The following SEC24B variants were observed in gnomAD, a reference collection of about 807,000 sequenced individuals.
The protein encoded by SEC24B is SEC24 homolog B, COPII component, also known as protein transport protein Sec24B.
A neutral mutation model predicts 142.8 loss-of-function variants in SEC24B; 45 were observed. That is an observed-to-expected ratio of 0.32 (90% confidence interval 0.25 to 0.40). SEC24B has a LOEUF of 0.40. Ranked by LOEUF, SEC24B falls within the 10% of genes least tolerant of loss-of-function variation. The pLI, the probability that SEC24B is intolerant of heterozygous loss-of-function variation, is 1.00. For missense variants in SEC24B, 1,409 were observed against 1,526.8 expected (o/e 0.92, Z 1.29); for synonymous variants, 574 against 568.2 (o/e 1.01, Z -0.15).
intron 14 of SEC24B, among the ~76,000 whole-genome samples, chr4:109,522,539 G>C (rs1375145670): frequency 6.6e-6 from 1 of 152,208 alleles, no homozygotes; most frequent in Non-Finnish European, 1.5e-5. Flanking sequence ...TCTGACTCCA[G>C]TGTTCTTTTC....
Position 109,463,098 on chromosome 4 carries a change from C to T in SEC24B, c.331C>T (p.Pro111Ser). 6.2e-7 allele frequency: 1 copy of T among 1,614,168 alleles called. No individual in the cohort carries two copies. The highest frequency in any genetic ancestry group is 8.5e-7 in the Non-Finnish European group (1 of 1,180,034). ...GACTCCTAACACAGTGAACCAGCAACCAGGAGCACAGCAGTTGTACAGCAG... is the reference window on the plus strand; with the variant it reads ...GACTCCTAACACAGTGAACCAGCAATCAGGAGCACAGCAGTTGTACAGCAG... ...NVTPNTVNQQ[P>S]GAQQLYSRGP... Residue 111 changes from proline to serine, a missense_variant, in exon 2 of 24, where the codon CCA becomes TCA. Pro to Ser is a moderately conservative substitution (Grantham distance 74). This residue lies in a region of SEC24B where 709 missense variants were observed against 673.5 expected (regional missense o/e 1.05). Transcript: ENST00000265175.
intron 4 of SEC24B, among the ~76,000 whole-genome samples, chr4:109,488,946 G>T (rs371329489): frequency 3.3e-5 from 5 of 151,808 alleles, no homozygotes; most frequent in East Asian, 1.9e-4. Context: ...TTTTAAATTT[G>T]GTTATTTGTT....
intron 1 of SEC24B, among the ~76,000 whole-genome samples, chr4:109,446,386 G>T (rs772212765): frequency 6.6e-6 from 1 of 152,218 alleles, no homozygotes; most frequent in Non-Finnish European, 1.5e-5. Flanking sequence ...CAAGGAAACG[G>T]ATTGTCTCTT....
intron 6 of SEC24B, among the ~76,000 whole-genome samples, chr4:109,500,952 CCTGGCCAAAAA>C (rs1317160887): frequency 6.6e-6 from 1 of 152,084 alleles, no homozygotes; most frequent in Admixed American, 6.5e-5. Flanking sequence ...AGCCACCATG[CCTGGCCAAAAA>C]CTATATTTTT....
chr4:109,448,271 A>G (rs1729671268), intron 1 of SEC24B, among the ~76,000 whole-genome samples: 1 of 152,138 alleles, frequency 6.6e-6, no homozygotes, highest in Non-Finnish European at 1.5e-5. Context: ...ATGGCAAGGT[A>G]AACCATTAGA....
intron 10 of SEC24B, among the ~76,000 whole-genome samples, chr4:109,514,163 T>C (rs925432957): frequency 3.3e-5 from 5 of 152,324 alleles, no homozygotes; most frequent in African/African-American, 1.2e-4. Context: ...CCATTTAACA[T>C]TTAAGACTCT....
chr4:109,457,873 C>T (rs996062358), intron 1 of SEC24B, among the ~76,000 whole-genome samples: 1 of 152,186 alleles, frequency 6.6e-6, no homozygotes, highest in Admixed American at 6.5e-5. Flanking sequence ...CCAAGAGAGG[C>T]TCCTCTTCCC....
intron 1 of SEC24B, among the ~76,000 whole-genome samples, chr4:109,446,207 T>C (rs1227363131): frequency 6.6e-6 from 1 of 152,128 alleles, no homozygotes; most frequent in Non-Finnish European, 1.5e-5. Context: ...TCCTGGAACT[T>C]GGTAGGCCTG....
At chr4:109,524,212 G>A (rs1723972268) in intron 14 of SEC24B, among the ~76,000 whole-genome samples, 1 of 151,922 alleles carries the variant, frequency 6.6e-6, no homozygotes, top group South Asian at 2.1e-4. Flanking sequence ...ATCTGTTCTG[G>A]TTTACATATT....
intron 1 of SEC24B, among the ~76,000 whole-genome samples, chr4:109,461,890 C>G (rs908381623): frequency 6.6e-6 from 1 of 152,154 alleles, no homozygotes; most frequent in Non-Finnish European, 1.5e-5. Context: ...AGGAGAGTCA[C>G]TTGACTCTAG....
rs184582277 is a variant in SEC24B at position 109,440,478 on chromosome 4, A to G, written c.133+6476A>G. ...TATATTCAGCCCTGGAGAAGCTACT[A>G]TTTTCAATAGGCTGAGCATACTCAG... On this transcript the variant is annotated intron_variant, in intron 1 of 23. Transcript: ENST00000265175. 2.2e-3 allele frequency among the ~76,000 whole-genome samples: 339 copies of G among 152,300 alleles called. 1 individual carries two copies. The highest frequency in any genetic ancestry group is 6.8e-3 in the Middle Eastern group (2 of 294).
chr4:109,502,940 TTG>T (rs1238259558), intron 6 of SEC24B, among the ~76,000 whole-genome samples: 2 of 152,202 alleles, frequency 1.3e-5, no homozygotes, highest in Non-Finnish European at 2.9e-5. Flanking sequence ...TGTAAACCTT[TTG>T]TGTTTGTGTA....
At chr4:109,491,693 T>C (rs1464405843) in intron 5 of SEC24B, among the ~76,000 whole-genome samples, 1 of 152,180 alleles carries the variant, frequency 6.6e-6, no homozygotes, top group Non-Finnish European at 1.5e-5. Flanking sequence ...GAATAACTAC[T>C]CCTTAAATAA....
At chr4:109,491,711 A>G (rs537438845) in intron 5 of SEC24B, among the ~76,000 whole-genome samples, 1 of 151,910 alleles carries the variant, frequency 6.6e-6, no homozygotes, top group East Asian at 1.9e-4. Flanking sequence ...TAAATTTTAT[A>G]TTTCTATTGT....
chr4:109,495,467 CAGAAG>C (rs1421386116), intron 6 of SEC24B, among the ~76,000 whole-genome samples: 2 of 152,110 alleles, frequency 1.3e-5, no homozygotes, highest in Non-Finnish European at 2.9e-5. Context: ...GTTTAATAGG[CAGAAG>C]AGAGGAGAAG....
intron 3 of SEC24B, among the ~76,000 whole-genome samples, chr4:109,473,490 G>T (rs1316087522): frequency 1.6e-5 from 2 of 122,496 alleles, no homozygotes; most frequent in Middle Eastern, 4.8e-3. Context: ...TTTTTTAAAG[G>T]TTATTATAGT....
chr4:109,486,114 C>G (rs1218240027), intron 4 of SEC24B, among the ~76,000 whole-genome samples: 4 of 152,154 alleles, frequency 2.6e-5, no homozygotes. Flanking sequence ...TTTCCTGAGT[C>G]TCTTGCTAAT....
chr4:109,433,873 T>C lies in SEC24B; in HGVS notation c.4T>C (p.Ser2Pro). Residue 2 changes from serine (S) to proline (P), a missense_variant, in exon 1 of 24, where the codon TCG becomes CCG. Around this residue, in one of 2 missense-constraint regions of SEC24B, gnomAD observed 709 missense variants for 673.5 expected, o/e 1.05. Transcript: ENST00000265175. ...CGCCGTCGCCACCAGCGCCGTCATG[T>C]CGGCCCCCGCCGGGTCCTCTCACCC... M[S>P]APAGSSHPAA... The C allele has an allele frequency of 7.5e-7, 1 of 1,333,276 alleles. No individual in the cohort carries two copies. The highest frequency in any genetic ancestry group is 9.6e-7 in the Non-Finnish European group (1 of 1,039,084). 82.6% of individuals were successfully genotyped at this position (1,333,276 alleles called of 1,614,324 possible). A position where few individuals can be genotyped will look rare whatever the true frequency, so the allele number is the denominator to read the frequency against.
chr4:109,458,351 C>A (rs35791246), intron 1 of SEC24B, among the ~76,000 whole-genome samples: 26,569 of 152,014 alleles, frequency 0.17, 2,617 homozygotes, highest in African/African-American at 0.27. Flanking sequence ...AAAGACTTTG[C>A]AGTCTCTGCC....
Sources: allele counts gnomAD v4.1 joint callset (sites outside exome capture counted in the v4.1 genomes callset), GRCh38; gene constraint gnomAD v4.1.1; regional missense constraint gnomAD v4.1.1; transcripts MANE v1.5; gene names NCBI Gene and HGNC (gene_info 2026-07-23, HGNC 2026-07-21).